The following FRMD5 variants were observed in gnomAD, a reference collection of about 807,000 sequenced individuals.
FRMD5 encodes FERM domain containing 5.
A neutral mutation model predicts 69.0 loss-of-function variants in FRMD5; 20 were observed. The ratio of observed to expected loss-of-function variants is 0.29; its 90% CI spans 0.20 to 0.42. The LOEUF is 0.42. FRMD5 is among the 10% of genes least tolerant of loss of function. The pLI is 1.00. For synonymous variants in FRMD5, 271 were observed against 260.1 expected (o/e 1.04, Z -0.40); for missense variants, 595 against 708.6 (o/e 0.84, Z 1.82).
intron 1 of FRMD5, among the ~76,000 whole-genome samples, chr15:44,102,990 T>C (rs1482550712): frequency 6.6e-6 from 1 of 152,154 alleles, no homozygotes; most frequent in East Asian, 1.9e-4. Flanking sequence ...ACTCATAACC[T>C]TGGGTACTAG....
At chr15:43,952,511 T>G (rs758457908) in intron 1 of FRMD5, among the ~76,000 whole-genome samples, 1 of 152,194 alleles carries the variant, frequency 6.6e-6, no homozygotes, top group Non-Finnish European at 1.5e-5. Context: ...TCTCTTTCCA[T>G]GCGCTGCTGC....
chr15:44,050,759 G>A (rs1275248156), intron 1 of FRMD5, among the ~76,000 whole-genome samples: 2 of 151,270 alleles, frequency 1.3e-5, no homozygotes, highest in African/African-American at 2.4e-5. Context: ...ACAGATTTAA[G>A]TGATTCTCCA....
intron 1 of FRMD5, among the ~76,000 whole-genome samples, chr15:43,968,382 C>T (rs1340980968): frequency 1.3e-5 from 2 of 152,198 alleles, no homozygotes; most frequent in African/African-American, 2.4e-5. Context: ...TGCTGTCCTG[C>T]AGAGCATTCC....
intron 4 of FRMD5, among the ~76,000 whole-genome samples, chr15:43,912,863 C>CAAAA (rs566290726): frequency 1.0e-5 from 1 of 99,592 alleles, no homozygotes. Context: ...ACTAAAAATA[C>CAAAA]AAAAAAAAAA....
At chr15:44,043,264 G>A (rs182261710) in intron 1 of FRMD5, among the ~76,000 whole-genome samples, 193 of 151,950 alleles carry the variant, frequency 1.3e-3, no homozygotes, top group Middle Eastern at 6.8e-3. Flanking sequence ...ACTGCTCAAG[G>A]AAATAAGAGA....
chr15:44,108,451 C>T (rs1376454301), intron 1 of FRMD5, among the ~76,000 whole-genome samples: 3 of 152,176 alleles, frequency 2.0e-5, no homozygotes, highest in Non-Finnish European at 4.4e-5. Context: ...TCGAGACCAG[C>T]CTGACCAACA....
chr15:44,040,368 T>C (rs1892132635), intron 1 of FRMD5, among the ~76,000 whole-genome samples: 1 of 152,108 alleles, frequency 6.6e-6, no homozygotes, highest in Non-Finnish European at 1.5e-5. Flanking sequence ...AATAGTCAGA[T>C]TCACCAGGGT....
intron 1 of FRMD5, among the ~76,000 whole-genome samples, chr15:44,108,380 C>T (rs1212835113): frequency 6.6e-6 from 1 of 152,176 alleles, no homozygotes; most frequent in East Asian, 1.9e-4. Context: ...CGCGGTGGCT[C>T]ATGCCTGTAA....
chr15:43,977,177 C>T (rs1039446719), intron 1 of FRMD5, among the ~76,000 whole-genome samples: 1 of 151,892 alleles, frequency 6.6e-6, no homozygotes, highest in African/African-American at 2.4e-5. Flanking sequence ...GAAGTGCTAG[C>T]AGGTTGGAAC....
chr15:44,040,948 T>C (rs1194522934), intron 1 of FRMD5, among the ~76,000 whole-genome samples: 1 of 111,770 alleles, frequency 8.9e-6, no homozygotes, highest in Admixed American at 1.3e-4. Context: ...ACACGTAGGC[T>C]CAAAATAAAG....
chr15:44,018,340 AG>A (rs1462264111), intron 1 of FRMD5, among the ~76,000 whole-genome samples: 6 of 152,216 alleles, frequency 3.9e-5, no homozygotes, highest in Non-Finnish European at 8.8e-5. Context: ...AGTGGGATTT[AG>A]GTATTCTAAA....
rs181456599 is a variant in FRMD5, at chr15:43,925,984, T to C, written c.103-1675A>G. On this transcript the variant is annotated intron_variant, in intron 1 of 13. Coordinates refer to ENST00000417257, the MANE Select transcript of FRMD5 (RefSeq NM_032892.5). ...GATTTGTTTAGTTATCTATTTACTA[T>C]CTGCTTCCTTTCTAGACTGTAATTT... Among the ~76,000 whole-genome samples the C allele has an allele frequency of 1.7e-3, 259 of 152,362 alleles. 1 individual carries two copies. The highest frequency in any genetic ancestry group is 2.7e-3 in the Non-Finnish European group (184 of 68,032).
intron 1 of FRMD5, among the ~76,000 whole-genome samples, chr15:44,101,768 G>A (rs2076644245): frequency 6.6e-6 from 1 of 152,208 alleles, no homozygotes; most frequent in African/African-American, 2.4e-5. Context: ...GTTACTAAAG[G>A]AAAGGTGGTT....
At chr15:44,098,110 C>CAAAAAAAAA (rs2076580002) in intron 1 of FRMD5, among the ~76,000 whole-genome samples, 1 of 17,924 alleles carries the variant, frequency 5.6e-5, no homozygotes, top group Non-Finnish European at 1.5e-4. Context: ...TTCAGAGTGA[C>CAAAAAAAAA]AAAACAAAAA....
chr15:43,968,264 A>T (rs77962107), intron 1 of FRMD5, among the ~76,000 whole-genome samples: 1 of 152,088 alleles, frequency 6.6e-6, no homozygotes, highest in Non-Finnish European at 1.5e-5. Context: ...ATCCTTTTAA[A>T]TAGAAGGCCT....
At chr15:43,936,809 A>T (rs1477822230) in intron 1 of FRMD5, among the ~76,000 whole-genome samples, 1 of 151,726 alleles carries the variant, frequency 6.6e-6, no homozygotes, top group Non-Finnish European at 1.5e-5. Flanking sequence ...TCCCAGCCTC[A>T]ACTCCAGAAA....
chr15:44,160,584 G>A (rs2077601129), intron 1 of FRMD5, among the ~76,000 whole-genome samples: 1 of 152,178 alleles, frequency 6.6e-6, no homozygotes, highest in South Asian at 2.1e-4. Flanking sequence ...ACAATATGGT[G>A]AGCATCTTCC....
chr15:44,112,199 T>C (rs1466683054), intron 1 of FRMD5, among the ~76,000 whole-genome samples: 2 of 152,140 alleles, frequency 1.3e-5, no homozygotes, highest in Admixed American at 6.5e-5. Context: ...TAGAAGTATA[T>C]CTTATTTTTG....
At chr15:43,919,930 T>C in intron 2 of FRMD5, 121 bp from the exon 3 acceptor site, 3 of 871,524 alleles carry the variant, frequency 3.4e-6, no homozygotes, top group South Asian at 3.0e-5. Context: ...CCCAAAAGCT[T>C]ATGAAAGATA....
Sources: gnomAD v4.1 joint callset for allele counts (sites outside exome capture counted in the v4.1 genomes callset) on GRCh38, gnomAD v4.1.1 for gene constraint, MANE v1.5 for transcripts, NCBI Gene and HGNC (gene_info 2026-07-23, HGNC 2026-07-21) for gene names.